TENM3: variants seen among roughly 807,000 people sequenced by gnomAD.
TENM3 encodes the protein teneurin transmembrane protein 3, also known as teneurin-3.
In TENM3, 63 loss-of-function variants were observed where a neutral mutation model predicts 255.1. The observed-to-expected ratio is 0.25, with a 90% CI of 0.20 to 0.30. TENM3 has a LOEUF of 0.30. Ranked by LOEUF, TENM3 falls within the 10% of genes least tolerant of loss-of-function variation. The pLI is 1.00. For synonymous variants in TENM3, 1,306 were observed against 1,322.3 expected, an observed-to-expected ratio of 0.99 and a Z score of 0.27; for missense variants, 2,929 against 3,461.1, an observed-to-expected ratio of 0.85 and a Z score of 3.86.
chr4:181,951,603 T>C, the TENM3 span, among the ~76,000 whole-genome samples: 20 of 152,228 alleles, frequency 1.3e-4, no homozygotes, highest in Non-Finnish European at 7.4e-5. Context: ...TTCTGCTTTA[T>C]CTACAGTACC....
chr4:181,688,570 C>T, the TENM3 span, among the ~76,000 whole-genome samples: 2 of 152,132 alleles, frequency 1.3e-5, no homozygotes, highest in African/African-American at 4.8e-5. Context: ...ACATCCCCTG[C>T]TGTGAAAATC....
chr4:182,302,894 T>C (rs1392988102), intron 1 of TENM3, among the ~76,000 whole-genome samples: 1 of 152,196 alleles, frequency 6.6e-6, no homozygotes, highest in East Asian at 1.9e-4. Context: ...CTTTGACTAA[T>C]GGAAGATCCT....
intron 3 of TENM3, among the ~76,000 whole-genome samples, chr4:182,433,253 A>G (rs1377574021): frequency 1.3e-5 from 2 of 152,124 alleles, no homozygotes; most frequent in African/African-American, 4.8e-5. Flanking sequence ...TTTCCTGAGC[A>G]GTTAAGTGGA....
In TENM3 at chr4:182,524,248, A is replaced by G. The variant is rs1738884319; in HGVS notation, c.512-76676A>G. On this transcript the variant is annotated intron_variant, in intron 3 of 27. Transcript: ENST00000511685. Reference sequence around the variant, plus strand: ...ATTTTGCCAAATACTTGAATGGGTTATCATTTCAAATTGGTGACATGTCAA... The same window carrying G: ...ATTTTGCCAAATACTTGAATGGGTTGTCATTTCAAATTGGTGACATGTCAA... Among the ~76,000 whole-genome samples the G allele has an allele frequency of 3.3e-5, 5 of 151,608 alleles. No individual in the cohort carries two copies. In the South Asian group the frequency reaches 1.0e-3, roughly 32 times the overall value.
At chr4:181,694,340 A>G in the TENM3 span, among the ~76,000 whole-genome samples, 117,370 of 152,108 alleles carry the variant, frequency 0.77, 45,816 homozygotes, top group Admixed American at 0.87. Flanking sequence ...ACTCAAGTCT[A>G]TAACTATGTA....
At chr4:182,220,151 C>T (rs533716738) in intron 1 of TENM3, among the ~76,000 whole-genome samples, 3 of 152,002 alleles carry the variant, frequency 2.0e-5, no homozygotes, top group South Asian at 2.1e-4. Flanking sequence ...CCAAGGTGGG[C>T]GGATCACCTG....
the TENM3 span, among the ~76,000 whole-genome samples, chr4:181,609,632 C>T: frequency 2.0e-5 from 3 of 152,214 alleles, no homozygotes; most frequent in Non-Finnish European, 4.4e-5. Context: ...ATATGAATGA[C>T]CACATATGTT....
the TENM3 span, among the ~76,000 whole-genome samples, chr4:181,719,235 T>TAAATA: frequency 2.6e-3 from 385 of 150,940 alleles, no homozygotes; most frequent in African/African-American, 8.9e-3. Flanking sequence ...AATAAATAAA[T>TAAATA]AAATAAAATA....
chr4:182,019,506 G>A, the TENM3 span, among the ~76,000 whole-genome samples: 2 of 152,276 alleles, frequency 1.3e-5, no homozygotes, highest in South Asian at 4.1e-4. Context: ...AATTCTCCCA[G>A]TGTTTTCCAC....
intron 6 of TENM3, among the ~76,000 whole-genome samples, 157 bp downstream of exon 6, chr4:182,654,050 T>A (rs1037408762): frequency 5.9e-5 from 9 of 152,242 alleles, no homozygotes; most frequent in African/African-American, 2.4e-5. Context: ...ATTAATTTAC[T>A]TGAAAGGTTG....
chr4:181,464,958 AAAAG>A, the TENM3 span, among the ~76,000 whole-genome samples: 1 of 152,220 alleles, frequency 6.6e-6, no homozygotes, highest in African/African-American at 2.4e-5. Context: ...CATCTCAAAA[AAAAG>A]AAAAAAAGTC....
At chr4:181,804,987 C>T in the TENM3 span, among the ~76,000 whole-genome samples, 1 of 152,152 alleles carries the variant, frequency 6.6e-6, no homozygotes, top group African/African-American at 2.4e-5. Context: ...CCTGATTCTC[C>T]TCCATCCAGC....
At chr4:182,239,802 T>C (rs1276173229), upstream of TENM3, among the ~76,000 whole-genome samples, 1 of 152,098 alleles carries the variant, frequency 6.6e-6, no homozygotes, top group African/African-American at 2.4e-5. Context: ...CAAAAAAAGC[T>C]TTACTGGAAA....
the TENM3 span, among the ~76,000 whole-genome samples, chr4:181,922,193 C>G: frequency 6.6e-6 from 1 of 152,022 alleles, no homozygotes; most frequent in Non-Finnish European, 1.5e-5. Context: ...GTCTAAAATT[C>G]TCTTTTTTGG....
the TENM3 span, among the ~76,000 whole-genome samples, chr4:181,786,638 T>C: frequency 6.6e-6 from 1 of 151,716 alleles, no homozygotes; most frequent in South Asian, 2.1e-4. Context: ...TGGTGGTTGA[T>C]CTTTCCTGGT....
chr4:181,704,205 ACCCTCCCAGTCACTCCTCCTACCTACC>A, the TENM3 span, among the ~76,000 whole-genome samples: 1 of 151,906 alleles, frequency 6.6e-6, no homozygotes, highest in Non-Finnish European at 1.5e-5. Context: ...GTTTTATGTT[ACCCTCCCAGTCACTCCTCCTACCTACC>A]CCTGAGCCCA....
At chr4:181,876,222 G>C in the TENM3 span, among the ~76,000 whole-genome samples, 1 of 152,118 alleles carries the variant, frequency 6.6e-6, no homozygotes, top group Non-Finnish European at 1.5e-5. Flanking sequence ...AATAAATGTT[G>C]AACTTTCAAA....
chr4:181,914,151 C>T, the TENM3 span, among the ~76,000 whole-genome samples: 1 of 152,178 alleles, frequency 6.6e-6, no homozygotes, highest in African/African-American at 2.4e-5. Context: ...TTGATGGCTC[C>T]CATTGCCTGA....
At chr4:182,188,277 T>A (rs1579646773) in intron 1 of TENM3, among the ~76,000 whole-genome samples, 1 of 152,294 alleles carries the variant, frequency 6.6e-6, no homozygotes, top group East Asian at 1.9e-4. Flanking sequence ...AGTAAGTCAC[T>A]TAAACTCAAT....
Sources: gnomAD v4.1 joint callset for allele counts (sites outside exome capture counted in the v4.1 genomes callset) on GRCh38, gnomAD v4.1.1 for gene constraint, MANE v1.5 for transcripts, NCBI Gene and HGNC (gene_info 2026-07-23, HGNC 2026-07-21) for gene names.